The following GRIK1 variants were observed in gnomAD, a reference collection of about 807,000 sequenced individuals.
GRIK1 encodes glutamate ionotropic receptor kainate type subunit 1, also known as glutamate receptor ionotropic, kainate 1.
Under a neutral mutation model 105.7 loss-of-function variants are expected in GRIK1, and 69 were observed. The observed-to-expected ratio is 0.65, with a 90% confidence interval of 0.54 to 0.80. The LOEUF (loss-of-function observed/expected upper bound fraction) is 0.80, where lower values mean the gene tolerates loss of function less well. Ranked by LOEUF, GRIK1 falls within the 30% of genes least tolerant of loss-of-function variation. GRIK1 has a pLI of 0.00. For synonymous variants in GRIK1, 438 were observed against 431.3 expected (o/e 1.02, Z -0.19); for missense variants, 1,109 against 1,167.3 (o/e 0.95, Z 0.73).
intron 1 of GRIK1, among the ~76,000 whole-genome samples, chr21:29,744,582 C>G (rs1194205338): frequency 6.6e-6 from 1 of 150,838 alleles, no homozygotes; most frequent in African/African-American, 2.4e-5. Context: ...TTTTTTCCTC[C>G]CTGGAATTCT....
intron 1 of GRIK1, among the ~76,000 whole-genome samples, chr21:29,769,346 G>T (rs1269112931): frequency 6.6e-6 from 1 of 152,152 alleles, no homozygotes; most frequent in Non-Finnish European, 1.5e-5. Context: ...ATGATGTGAA[G>T]ACACAGGGAG....
chr21:29,570,880 T>G (rs2090730341), intron 14 of GRIK1, among the ~76,000 whole-genome samples: 1 of 147,306 alleles, frequency 6.8e-6, no homozygotes, highest in Non-Finnish European at 1.5e-5. Context: ...AGGTAGAATC[T>G]CAGGATGTCC....
intron 1 of GRIK1, among the ~76,000 whole-genome samples, chr21:29,897,723 C>A (rs1169654351): frequency 6.6e-6 from 1 of 152,182 alleles, no homozygotes; most frequent in Non-Finnish European, 1.5e-5. Context: ...CACAGGCAGC[C>A]ATAAACCATG....
intron 1 of GRIK1, among the ~76,000 whole-genome samples, chr21:29,774,903 T>C (rs1185648719): frequency 6.6e-6 from 1 of 152,212 alleles, no homozygotes; most frequent in Non-Finnish European, 1.5e-5. Context: ...TTCTTAATAA[T>C]TTTTGAAACA....
At chr21:29,582,879 A>T (rs1299674992) in intron 12 of GRIK1, among the ~76,000 whole-genome samples, 1 of 152,204 alleles carries the variant, frequency 6.6e-6, no homozygotes, top group Non-Finnish European at 1.5e-5. Flanking sequence ...CAGTTTCAGC[A>T]GTAAACAATG....
At chr21:29,565,845 T>G (rs529524826) in intron 14 of GRIK1, among the ~76,000 whole-genome samples, 1 of 152,268 alleles carries the variant, frequency 6.6e-6, no homozygotes, top group South Asian at 2.1e-4. Context: ...GACCAACCCC[T>G]TCCTATCACA....
At chr21:29,567,283 T>C (rs1568826427) in intron 14 of GRIK1, among the ~76,000 whole-genome samples, 1 of 152,224 alleles carries the variant, frequency 6.6e-6, no homozygotes. Flanking sequence ...GTCTTAAGCC[T>C]GATGGACTCC....
intron 3 of GRIK1, 51 bp downstream of exon 3, chr21:29,689,677 T>A (rs752715719): frequency 6.4e-7 from 1 of 1,562,534 alleles, no homozygotes; most frequent in Admixed American, 1.7e-5. Flanking sequence ...ACTTTCGTTC[T>A]GTTTGTTCAG....
At chr21:29,674,543 C>CCCCCATGTG (rs2063229901) in intron 3 of GRIK1, among the ~76,000 whole-genome samples, 1 of 151,888 alleles carries the variant, frequency 6.6e-6, no homozygotes, top group Non-Finnish European at 1.5e-5. Context: ...CGGGGGGGAA[C>CCCCCATGTG]TTGGTGGGAG....
At chr21:29,580,154 C>A (rs886531905) in intron 13 of GRIK1, among the ~76,000 whole-genome samples, 5 of 140,468 alleles carry the variant, frequency 3.6e-5, no homozygotes, top group Admixed American at 2.2e-4. Context: ...TATATATATA[C>A]ACATACATAT....
intron 7 of GRIK1, among the ~76,000 whole-genome samples, chr21:29,641,643 C>A (rs541089261): frequency 3.3e-5 from 5 of 152,124 alleles, no homozygotes; most frequent in African/African-American, 7.2e-5. Context: ...AAAATTTAAG[C>A]GAGAATTTCC....
intron 1 of GRIK1, among the ~76,000 whole-genome samples, chr21:29,773,256 A>C (rs527277122): frequency 1.1e-4 from 17 of 152,226 alleles, no homozygotes; most frequent in Non-Finnish European, 2.5e-4. Flanking sequence ...CTGGGAGAAG[A>C]TAAATGCACA....
chr21:29,694,244 C>T (rs2063647519), intron 1 of GRIK1, among the ~76,000 whole-genome samples, 181 bp from the exon 2 acceptor site: 1 of 151,512 alleles, frequency 6.6e-6, no homozygotes, highest in Admixed American at 6.6e-5. Flanking sequence ...CTGCCTCAGC[C>T]TCCCGAGTAG....
chr21:29,833,728 C>T (rs904158655), intron 1 of GRIK1, among the ~76,000 whole-genome samples: 10 of 152,076 alleles, frequency 6.6e-5, no homozygotes, highest in African/African-American at 1.9e-4. Flanking sequence ...TGAGCAGGAA[C>T]ACAAATCCAA....
chr21:29,581,489 C>T lies in GRIK1; in HGVS notation c.1848G>A (p.Val616=). The change falls in exon 13 of 18, where the codon GTG becomes GTA. Residue 616 remains valine (V), a synonymous_variant. Transcript: ENST00000327783. The part of the protein sequence containing the change: ...NPHPCNPDSD[V]VENNFTLLNS... ...TTAGTAAAGTAAAATTGTTTTCCAC[C>T]ACGTCTGAGTCAGGGTTGCATGGGT... 1 of 1,613,358 alleles carries T rather than the reference C, an allele frequency of 6.2e-7. No homozygotes were observed. The highest frequency in any genetic ancestry group is 8.5e-7 in the Non-Finnish European group (1 of 1,179,438).
intron 7 of GRIK1, among the ~76,000 whole-genome samples, chr21:29,629,809 C>T (rs899280071): frequency 1.1e-4 from 16 of 152,018 alleles, no homozygotes; most frequent in African/African-American, 3.6e-4. Context: ...CATAAGTTGG[C>T]AGTAAGTTGA....
chr21:29,875,018 A>ATG (rs1457670459), intron 1 of GRIK1, among the ~76,000 whole-genome samples: 5 of 143,042 alleles, frequency 3.5e-5, no homozygotes, highest in Non-Finnish European at 6.1e-5. Flanking sequence ...TTTTTTTAAT[A>ATG]TGTGTGTGTG....
chr21:29,886,602 G>C (rs956515476), intron 1 of GRIK1, among the ~76,000 whole-genome samples: 1 of 152,122 alleles, frequency 6.6e-6, no homozygotes, highest in Non-Finnish European at 1.5e-5. Flanking sequence ...AAAGTATCTT[G>C]TTGTGTGTAC....
At chr21:29,594,611 A>G (rs1269346024) in intron 9 of GRIK1, among the ~76,000 whole-genome samples, 1 of 152,200 alleles carries the variant, frequency 6.6e-6, no homozygotes, top group African/African-American at 2.4e-5. Flanking sequence ...ATCTAGGACA[A>G]CTGAGAAAAG....
Sources: allele counts gnomAD v4.1 joint callset (sites outside exome capture counted in the v4.1 genomes callset), GRCh38; gene constraint gnomAD v4.1.1; transcripts MANE v1.5; gene names NCBI Gene and HGNC (gene_info 2026-07-23, HGNC 2026-07-21).